SYT7: variants seen among roughly 807,000 people sequenced by gnomAD.
SYT7 encodes synaptotagmin-7.
SYT7 carries 29 observed loss-of-function variants against 75.1 expected under a neutral mutation model. The observed-to-expected ratio is 0.39, with a 90% CI of 0.29 to 0.53. SYT7 has a LOEUF of 0.53. Ranked by LOEUF, SYT7 falls within the 20% of genes least tolerant of loss-of-function variation. The pLI, the probability that SYT7 is intolerant of heterozygous loss-of-function variation, is 0.77. For missense variants in SYT7, 693 were observed against 953.2 expected (o/e 0.73, Z 3.59); for synonymous variants, 376 against 401.7 (o/e 0.94, Z 0.76).
At chr11:61,521,395 T>C (rs575238877) in intron 12 of SYT7, among the ~76,000 whole-genome samples, 1 of 152,188 alleles carries the variant, frequency 6.6e-6, no homozygotes, top group East Asian at 1.9e-4. Flanking sequence ...TCAAAGGAGA[T>C]ATGGTCACTT....
intron 12 of SYT7, among the ~76,000 whole-genome samples, chr11:61,522,584 G>C (rs985299978): frequency 9.8e-5 from 15 of 152,294 alleles, no homozygotes; most frequent in African/African-American, 3.6e-4. Flanking sequence ...CCATTTTACA[G>C]ATGAGAACAC....
chr11:61,581,662 C>G (rs2064278874), upstream of SYT7, among the ~76,000 whole-genome samples: 1 of 152,246 alleles, frequency 6.6e-6, no homozygotes. Flanking sequence ...ACAGGTGGAG[C>G]CGAAAGGGCT....
At chr11:61,525,774 A>C (rs1306739099) in intron 9 of SYT7, 3 of 152,294 alleles carry the variant, frequency 2.0e-5, no homozygotes, top group African/African-American at 7.2e-5. Flanking sequence ...TGAATGCATA[A>C]TTGAACAGAT....
intron 2 of SYT7, among the ~76,000 whole-genome samples, chr11:61,552,678 CACCTATCTAGGGAG>C (rs2063387769): frequency 6.6e-6 from 1 of 152,196 alleles, no homozygotes; most frequent in Admixed American, 6.5e-5. Flanking sequence ...GCACGGGAGC[CACCTATCTAGGGAG>C]ACCAGCAGCA....
chr11:61,541,379 G>A (rs375801991), intron 6 of SYT7: 7 of 889,668 alleles, frequency 7.9e-6, no homozygotes, highest in East Asian at 2.4e-4. Context: ...CTCTGAGAGT[G>A]GGGGGCAGAT....
rs2064232409 is a variant in SYT7 at position 61,580,614 on chromosome 11, G to T, written c.31+176C>A. Among the ~76,000 whole-genome samples, 1 of 152,086 alleles carries T rather than the reference G, an allele frequency of 6.6e-6. No individual in the cohort carries two copies. The highest frequency in any genetic ancestry group is 2.4e-5 in the African/African-American group (1 of 41,438). On this transcript the variant is annotated intron_variant, in intron 1 of 12. Coordinates refer to ENST00000539008, the MANE Select transcript of SYT7 (RefSeq NM_001365809.2). This position sits in a 1 kb window ranked among gnomAD's most constrained non-coding sequence, Gnocchi z 6.1. ...GCAGTGTCCAGACTGCGGGGGACCGGGGTCCGAGCCGCTGCCGCTCGATCC... is the reference window on the plus strand; with the variant it reads ...GCAGTGTCCAGACTGCGGGGGACCGTGGTCCGAGCCGCTGCCGCTCGATCC...
chr11:61,564,560 G>A (rs1184418119), intron 1 of SYT7, among the ~76,000 whole-genome samples: 3 of 152,244 alleles, frequency 2.0e-5, no homozygotes, highest in Non-Finnish European at 4.4e-5. Context: ...CAGAAGAGAA[G>A]TAAAGCCAGG....
chr11:61,573,060 G>A (rs1017630288), intron 1 of SYT7, among the ~76,000 whole-genome samples: 12 of 150,752 alleles, frequency 8.0e-5, no homozygotes, highest in African/African-American at 3.0e-4. Flanking sequence ...GCCAGTGGCC[G>A]TGGGCATGGA....
In SYT7 at chr11:61,527,772, C is replaced by CT. The variant is rs1326160585; in HGVS notation, c.1471+142dup. The CT allele has an allele frequency of 4.1e-6, 4 of 979,726 alleles. No homozygotes were observed. In the Admixed American group the frequency reaches 7.9e-5, roughly 19 times the overall value. The allele number at this position is 979,726 out of a possible 1,614,324, so 60.7% of individuals were successfully genotyped here. ...GCAGGTGTGCACATAAGTGTATCTGCTTGCATGTGTGTTTGTGCATTTGTG... is the reference window on the plus strand; with the variant it reads ...GCAGGTGTGCACATAAGTGTATCTGCTTTGCATGTGTGTTTGTGCATTTGTG... On this transcript the variant is annotated intron_variant, in intron 9 of 12. Transcript: ENST00000539008.
rs150999190 is a variant in SYT7 at position 61,548,833 on chromosome 11, C to T, written c.216-1525G>A. ...ACCATAGGCCCAGATGAGATGGTGG[C>T]GTTGGGCATCCCTGCTGTAGACAGA... On this transcript the variant is annotated intron_variant, in intron 3 of 12. Transcript: ENST00000539008. Among the ~76,000 whole-genome samples, 840 of 152,300 alleles carry T rather than the reference C, an allele frequency of 5.5e-3. 8 individuals carry two copies. Among genetic ancestry groups the T allele is most frequent in the Middle Eastern group, 0.01 (3 of 294 alleles).
chr11:61,580,535 G>C lies in SYT7; in HGVS notation c.31+255C>G, dbSNP rs1216801763. On this transcript the variant is annotated intron_variant, in intron 1 of 12. Coordinates refer to ENST00000539008, the MANE Select transcript of SYT7 (RefSeq NM_001365809.2). The surrounding 1 kb of genome is among the most constrained non-coding windows in gnomAD (Gnocchi z 6.1). ...CGTTGTCCTTGGGCTGTTGAGGGGT[G>C]GGGGAGAGGTCCTTGTGGGGACACT... Among the ~76,000 whole-genome samples the C allele has an allele frequency of 6.6e-6, 1 of 152,146 alleles. No individual in the cohort carries two copies. The highest frequency in any genetic ancestry group is 1.5e-5 in the Non-Finnish European group (1 of 68,002).
rs1287592602 is a variant in SYT7, at chr11:61,518,576, G to A, written c.*51C>T. 12 of 1,348,530 alleles carry A rather than the reference G, an allele frequency of 8.9e-6. No homozygotes were observed. Among genetic ancestry groups the A allele is most frequent in the Non-Finnish European group, 1.2e-5 (12 of 985,218 alleles). The allele number at this position is 1,348,530 out of a possible 1,614,324, so 83.5% of individuals were successfully genotyped here. A position where few individuals can be genotyped will look rare whatever the true frequency, so the allele number is the denominator to read the frequency against. Reference sequence around the variant, plus strand: ...CGGGCGTTGTGCATAAAGTGGTGAGGGCATGATGGGGACCTGGGCCCTCGG... The same window carrying A: ...CGGGCGTTGTGCATAAAGTGGTGAGAGCATGATGGGGACCTGGGCCCTCGG... On this transcript the variant is annotated 3_prime_UTR_variant, in exon 13 of 13. Transcript: ENST00000539008.
In SYT7 at chr11:61,547,207, G is replaced by T; in HGVS notation, c.317C>A (p.Ala106Asp). 1 of 1,535,762 alleles carries T rather than the reference G, an allele frequency of 6.5e-7. No homozygotes were observed. The highest frequency in any genetic ancestry group is 8.7e-7 in the Non-Finnish European group (1 of 1,146,712). The change falls in exon 4 of 13, where the codon GCC becomes GAC. Residue 106 changes from alanine to aspartate, a missense_variant. Physicochemically the swap from Ala to Asp is moderately radical, Grantham distance 126 (BLOSUM62 -2). Coordinates refer to ENST00000539008, the MANE Select transcript of SYT7 (RefSeq NM_001365809.2). Reference protein sequence around the residue: ...KEFILNISPYAPYGDPRLSLN... With the variant: ...KEFILNISPYDPYGDPRLSLN... ...GGACAGTCGTGGGTCGCCATAAGGG[G>T]CGTAGGGTGAAATGTTTAGAATAAA...
chr11:61,531,401 G>A (rs117302503), intron 8 of SYT7, among the ~76,000 whole-genome samples: 1,767 of 152,306 alleles, frequency 0.012, 19 homozygotes, highest in Non-Finnish European at 0.019. Flanking sequence ...CAGGGAGGCA[G>A]GGTGGGCTGT....
chr11:61,549,670 G>T (rs1346413957), intron 3 of SYT7, among the ~76,000 whole-genome samples: 1 of 152,220 alleles, frequency 6.6e-6, no homozygotes, highest in East Asian at 1.9e-4. Context: ...ACACACGGTG[G>T]CTTCTGTCCC....
At chr11:61,541,243 C>T (rs2135231666) in intron 6 of SYT7, 7 of 985,566 alleles carry the variant, frequency 7.1e-6, no homozygotes, top group Non-Finnish European at 8.4e-6. Context: ...TGGTCTCCTG[C>T]TCCGTGAAAA....
rs144534148 is a variant in SYT7 at position 61,558,229 on chromosome 11, G to C, written c.32-2022C>G. Reference sequence around the variant, plus strand: ...CCCAGCACTTTGGGAGCCAGAGGCAGGCAGATCACTTAAGGTCAGGAATTC... The same window carrying C: ...CCCAGCACTTTGGGAGCCAGAGGCACGCAGATCACTTAAGGTCAGGAATTC... On this transcript the variant is annotated intron_variant, in intron 1 of 12. Coordinates refer to ENST00000539008, the MANE Select transcript of SYT7 (RefSeq NM_001365809.2). Among the ~76,000 whole-genome samples, 1,379 of 152,276 alleles carry C rather than the reference G, an allele frequency of 9.1e-3. 23 individuals carry two copies. The highest frequency in any genetic ancestry group is 0.03 in the African/African-American group (1,240 of 41,550).
chr11:61,584,737 A>G (rs2064351001), upstream of SYT7, among the ~76,000 whole-genome samples: 1 of 152,222 alleles, frequency 6.6e-6, no homozygotes, highest in Non-Finnish European at 1.5e-5. Context: ...GGGTAGAGGC[A>G]GTAAATGGAG....
At chr11:61,525,686 C>T (rs2062493737) in intron 9 of SYT7, 1 of 152,232 alleles carries the variant, frequency 6.6e-6, no homozygotes, top group Non-Finnish European at 1.5e-5. Flanking sequence ...ACAAAGGCCT[C>T]TCTGTTACCA....
Sources: allele counts gnomAD v4.1 joint callset (sites outside exome capture counted in the v4.1 genomes callset), GRCh38; gene constraint gnomAD v4.1.1; non-coding constraint Gnocchi (gnomAD v3.1); transcripts MANE v1.5; gene names NCBI Gene and HGNC (gene_info 2026-07-23, HGNC 2026-07-21).